Variants in PTPRH observed in about 807,000 individuals in gnomAD.
PTPRH encodes protein tyrosine phosphatase receptor type H.
PTPRH carries 113 observed loss-of-function variants against 130.2 expected under a neutral mutation model. The ratio of observed to expected loss-of-function variants is 0.87; its 90% CI spans 0.75 to 1.01. The LOEUF is 1.01. Among genes scored for constraint, PTPRH ranks in the 50% least tolerant of loss-of-function variants. The probability of loss-of-function intolerance (pLI) is 0.00; values close to 1 mark genes in which losing one functional copy is unlikely to be tolerated. For synonymous variants in PTPRH, 556 were observed against 577.9 expected, an observed-to-expected ratio of 0.96 and a Z score of 0.54; for missense variants, 1,430 against 1,425.0, an observed-to-expected ratio of 1.00 and a Z score of -0.06.
intron 8 of PTPRH, among the ~76,000 whole-genome samples, chr19:55,197,798 C>T (rs147306450): frequency 1.2e-3 from 187 of 152,280 alleles, no homozygotes; most frequent in Admixed American, 2.1e-3. Flanking sequence ...GAGATCTGAT[C>T]TCTGTATTTT....
Position 55,182,019 on chromosome 19 carries a change from A to C in PTPRH, c.3195T>G (p.Thr1065=). The change falls in exon 19 of 20, where the codon ACT becomes ACG. Residue 1065 remains threonine, a synonymous_variant. Coordinates refer to ENST00000376350, the MANE Select transcript of PTPRH (RefSeq NM_002842.5). ...MRESRPLMVQ[T]EAQYVFLHQC... The stretch of plus-strand genomic sequence containing the variant: ...TGTTGCTGAGGGACTGCCTCACCTC[A>C]GTCTGCACCATCAACGGCCGACTCT... 6.2e-6 allele frequency: 10 copies of C among 1,614,100 alleles called. No homozygotes were observed. Among genetic ancestry groups the C allele is most frequent in the Non-Finnish European group, 8.5e-6 (10 of 1,180,004 alleles).
At chr19:55,185,233 TC>T (rs1342469457) in intron 18 of PTPRH, among the ~76,000 whole-genome samples, 2 of 152,132 alleles carry the variant, frequency 1.3e-5, no homozygotes, top group Non-Finnish European at 2.9e-5. Flanking sequence ...ACTCAAGTGA[TC>T]CACCCGCCTT....
intron 10 of PTPRH, chr19:55,193,893 G>T: frequency 4.9e-6 from 1 of 205,696 alleles, no homozygotes; most frequent in Non-Finnish European, 1.0e-5. Flanking sequence ...TTCTTGCCCA[G>T]GCCGGAGTGC....
chr19:55,197,162 T>C lies in PTPRH; in HGVS notation c.1945A>G (p.Arg649Gly), dbSNP rs1451307359. ...TGCGTGGAACTGGCTACGTCATTCC[T>C]CTCTGCCCACACGGTGAAATTGTAC... ...TLYNFTVWAE[R>G]NDVASSTQSL... Residue 649 changes from arginine (R) to glycine (G), a missense_variant, in exon 9 of 20, where the codon AGG (arginine) becomes GGG (glycine). Physicochemically the swap from Arg to Gly is moderately radical, Grantham distance 125. Transcript: ENST00000376350. 1 of 1,614,124 alleles carries C rather than the reference T, an allele frequency of 6.2e-7. No homozygotes were observed. The highest frequency in any genetic ancestry group is 1.3e-5 in the African/African-American group (1 of 74,950).
At chr19:55,192,603 G>A (rs1273924997) in intron 10 of PTPRH, among the ~76,000 whole-genome samples, 1 of 150,958 alleles carries the variant, frequency 6.6e-6, no homozygotes, top group African/African-American at 2.4e-5. Flanking sequence ...CCAGGCTGCA[G>A]TGCAGTGGTG....
chr19:55,197,888 C>T (rs901643353), intron 8 of PTPRH, among the ~76,000 whole-genome samples: 1 of 152,118 alleles, frequency 6.6e-6, no homozygotes, highest in Non-Finnish European at 1.5e-5. Context: ...TAAATTTCAT[C>T]TTTTTAGCCC....
At chr19:55,195,637 G>C (rs190860492) in intron 10 of PTPRH, among the ~76,000 whole-genome samples, 1 of 152,170 alleles carries the variant, frequency 6.6e-6, no homozygotes, top group Non-Finnish European at 1.5e-5. Context: ...CAGTGGCCCC[G>C]ATCATAGTTC....
chr19:55,195,932 A>T (rs2086667199), intron 10 of PTPRH, among the ~76,000 whole-genome samples: 1 of 151,020 alleles, frequency 6.6e-6, no homozygotes. Context: ...AAAGTGGATG[A>T]GAGATTTCCG....
intron 1 of PTPRH, among the ~76,000 whole-genome samples, chr19:55,207,620 CTCGACCT>C (rs2087112697): frequency 1.4e-5 from 2 of 140,812 alleles, no homozygotes; most frequent in Non-Finnish European, 3.1e-5. Flanking sequence ...GGCTGGGGGT[CTCGACCT>C]CTGGTTTGAG....
chr19:55,188,173 G>C lies in PTPRH; in HGVS notation c.2385-5C>G. 6.2e-7 allele frequency: 1 copy of C among 1,611,010 alleles called. No homozygotes were observed. Among genetic ancestry groups the C allele is most frequent in the Non-Finnish European group, 8.5e-7 (1 of 1,177,234 alleles). ...GCTGGGATGTCCCCTGGGGAGCTAC[G>C]GGTTTTGGGGGAGCAGGGAGAAAAG... On this transcript the variant is annotated splice_polypyrimidine_tract_variant and splice_region_variant and intron_variant, in intron 12 of 19. Coordinates refer to ENST00000376350, the MANE Select transcript of PTPRH (RefSeq NM_002842.5).
intron 14 of PTPRH, among the ~76,000 whole-genome samples, chr19:55,187,161 C>A (rs551149164): frequency 4.0e-5 from 6 of 149,694 alleles, no homozygotes; most frequent in East Asian, 2.0e-4. Flanking sequence ...CTGGCTAACA[C>A]GGTGAAACCC....
chr19:55,187,331 C>G (rs183949399), intron 14 of PTPRH, among the ~76,000 whole-genome samples, 182 bp downstream of exon 14: 3 of 94,078 alleles, frequency 3.2e-5, no homozygotes, highest in South Asian at 4.0e-4. Flanking sequence ...GGTGACAGAG[C>G]GAGACTCCGT....
chr19:55,197,484 C>G lies in PTPRH; in HGVS notation c.1691-68G>C, dbSNP rs368092514. 1,291 of 1,433,052 alleles carry G rather than the reference C, an allele frequency of 9.0e-4. 17 individuals carry two copies. In the South Asian group the frequency reaches 0.013, roughly 14 times the overall value. The allele number at this position is 1,433,052 out of a possible 1,614,324, so 88.8% of individuals were successfully genotyped here. On this transcript the variant is annotated intron_variant, in intron 8 of 19. Coordinates refer to ENST00000376350, the MANE Select transcript of PTPRH (RefSeq NM_002842.5). ...CCCTCCTACCCCAGCCTGTCTGCCT[C>G]TCCCCCACAGCAAAGCTGAGATATC...
chr19:55,181,936 C>T (rs2147348562), intron 19 of PTPRH, 33 bp from the exon 20 acceptor site: 3 of 1,614,096 alleles, frequency 1.9e-6, no homozygotes, highest in Non-Finnish European at 2.5e-6. Context: ...AGAGGCGTCC[C>T]CCCAGGTCTG....
Position 55,197,169 on chromosome 19 carries a change from C to T in PTPRH, c.1938G>A (p.Trp646Ter), listed in dbSNP as rs778693576. 6.2e-7 allele frequency: 1 copy of T among 1,614,252 alleles called. No homozygotes were observed. Among genetic ancestry groups the T allele is most frequent in the East Asian group, 2.2e-5 (1 of 44,886 alleles). Residue 646 changes from tryptophan (W) to a stop codon, truncating the protein, a stop_gained, in exon 9 of 20, where the codon TGG becomes TGA. Transcript: ENST00000376350. LOFTEE classifies it high-confidence loss of function. ...AACTGGCTACGTCATTCCTCTCTGC[C>T]CACACGGTGAAATTGTACAACGTCC... Reference protein sequence around the residue: ...EPGTLYNFTVWAERNDVASST... With the variant: ...EPGTLYNFTV
chr19:55,188,649 C>A (rs1233293357), intron 12 of PTPRH, among the ~76,000 whole-genome samples: 1 of 152,232 alleles, frequency 6.6e-6, no homozygotes, highest in African/African-American at 2.4e-5. Flanking sequence ...TCTATATCCA[C>A]TACTCCAGGG....
intron 10 of PTPRH, chr19:55,194,000 C>G (rs2086616145): frequency 1.2e-5 from 5 of 401,056 alleles, no homozygotes; most frequent in Non-Finnish European, 2.2e-5. Context: ...AGACACGCGC[C>G]ACCACGCCCA....
rs1242916677 is a variant in PTPRH, at chr19:55,198,629, C to T, written c.1690+14G>A. The T allele has an allele frequency of 8.8e-6, 14 of 1,583,824 alleles. No homozygotes were observed. Among genetic ancestry groups the T allele is most frequent in the Middle Eastern group, 1.7e-4 (1 of 5,918 alleles). On this transcript the variant is annotated intron_variant, in intron 8 of 19. Coordinates refer to ENST00000376350, the MANE Select transcript of PTPRH (RefSeq NM_002842.5). ...ATCCTAATAGGGCTGGGTTCAGAAC[C>T]GACTGTGTCTCACCAGTGGCTGCAG...
At chr19:55,182,527 A>AAACAAC (rs879426826) in intron 18 of PTPRH, among the ~76,000 whole-genome samples, 6 of 151,966 alleles carry the variant, frequency 3.9e-5, no homozygotes, top group African/African-American at 1.2e-4. Flanking sequence ...CCCATCTCAA[A>AAACAAC]AACAACAACA....
Sources: gnomAD v4.1 joint callset for allele counts (sites outside exome capture counted in the v4.1 genomes callset) on GRCh38, gnomAD v4.1.1 for gene constraint, MANE v1.5 for transcripts, NCBI Gene and HGNC (gene_info 2026-07-23, HGNC 2026-07-21) for gene names.